Variants in CNTN6 observed in about 807,000 individuals in gnomAD.
CNTN6 encodes contactin 6, also known as contactin-6.
Under a neutral mutation model 122.8 loss-of-function variants are expected in CNTN6, and 137 were observed. The observed-to-expected ratio is 1.12, with a 90% CI of 0.97 to 1.29. The LOEUF (loss-of-function observed/expected upper bound fraction) is 1.29. CNTN6 is among the 50% of genes most tolerant of loss of function. The pLI, the probability that CNTN6 is intolerant of heterozygous loss-of-function variation, is 0.00. For synonymous variants in CNTN6, 570 were observed against 426.0 expected (o/e 1.34, Z -4.16); for missense variants, 1,634 against 1,223.4 (o/e 1.34, Z -5.01).
intron 7 of CNTN6, among the ~76,000 whole-genome samples, chr3:1,301,627 A>G (rs1305551973): frequency 6.6e-6 from 1 of 152,208 alleles, no homozygotes; most frequent in African/African-American, 2.4e-5. Context: ...TTATCTAACA[A>G]AATTAATCAA....
chr3:1,152,505 G>A (rs952919782), intron 2 of CNTN6, among the ~76,000 whole-genome samples: 5 of 152,156 alleles, frequency 3.3e-5, no homozygotes, highest in African/African-American at 7.2e-5. Flanking sequence ...GAAAAACCAC[G>A]TAGGGTCAAA....
chr3:1,286,069 T>C (rs774636549), intron 5 of CNTN6, among the ~76,000 whole-genome samples: 6 of 152,238 alleles, frequency 3.9e-5, no homozygotes, highest in Non-Finnish European at 5.9e-5. Context: ...TTTTCCTTGC[T>C]TTCCAGCACA....
intron 7 of CNTN6, among the ~76,000 whole-genome samples, chr3:1,310,963 T>C (rs2125923961): frequency 6.6e-6 from 1 of 152,156 alleles, no homozygotes; most frequent in Middle Eastern, 3.4e-3. Flanking sequence ...ATTGTGCCAT[T>C]GCAGTTCCCA....
chr3:1,384,812 C>CACACACATAT (rs1338541100), intron 19 of CNTN6, among the ~76,000 whole-genome samples: 1 of 118,500 alleles, frequency 8.4e-6, no homozygotes, highest in Admixed American at 8.5e-5. Flanking sequence ...CACACACACA[C>CACACACATAT]ATATATATAT....
intron 2 of CNTN6, among the ~76,000 whole-genome samples, chr3:1,217,663 G>A (rs888784019): frequency 4.6e-5 from 7 of 152,174 alleles, no homozygotes; most frequent in African/African-American, 1.4e-4. Context: ...AACAGTTTTA[G>A]TCCTTTAAAA....
At chr3:1,193,775 A>G (rs753779409) in intron 2 of CNTN6, among the ~76,000 whole-genome samples, 11 of 152,148 alleles carry the variant, frequency 7.2e-5, no homozygotes, top group Non-Finnish European at 1.3e-4. Context: ...TGTGAACATC[A>G]GATTTCAATC....
At chr3:1,289,167 C>G (rs1426944438) in intron 5 of CNTN6, among the ~76,000 whole-genome samples, 3 of 143,680 alleles carry the variant, frequency 2.1e-5, no homozygotes, top group African/African-American at 7.8e-5. Flanking sequence ...TTTAAACTTC[C>G]AGTTTGGAAG....
intron 9 of CNTN6, 84 bp downstream of exon 9, chr3:1,326,035 A>T: frequency 8.4e-7 from 1 of 1,193,574 alleles, no homozygotes; most frequent in Non-Finnish European, 1.2e-6. Context: ...TAACAGAAAC[A>T]GCTAATGTTA....
At position 1,122,290 on chromosome 3, in the gene CNTN6, G is replaced by T. The variant is rs374612855; in HGVS notation, c.-82-25637G>T. Among the ~76,000 whole-genome samples the T allele has an allele frequency of 7.0e-4, 103 of 148,070 alleles. 1 individual carries two copies. The highest frequency in any genetic ancestry group is 2.4e-3 in the African/African-American group (95 of 39,638). On this transcript the variant is annotated intron_variant, in intron 1 of 22. Coordinates refer to ENST00000446702, the MANE Select transcript of CNTN6 (RefSeq NM_001289080.2). Reference sequence around the variant, plus strand: ...AAGAAAGAGAGAGAGAGGAAAAGAGGAAGAGAGAAATAAATAAAGGAAAAA... The same window carrying T: ...AAGAAAGAGAGAGAGAGGAAAAGAGTAAGAGAGAAATAAATAAAGGAAAAA...
chr3:1,168,587 T>C (rs545231556), intron 2 of CNTN6, among the ~76,000 whole-genome samples: 39 of 151,148 alleles, frequency 2.6e-4, no homozygotes, highest in Non-Finnish European at 5.2e-4. Context: ...ATCTTGGGAG[T>C]GTTGAATGTT....
chr3:1,278,754 T>C (rs1014781788), intron 5 of CNTN6, among the ~76,000 whole-genome samples: 2 of 152,208 alleles, frequency 1.3e-5, no homozygotes, highest in African/African-American at 4.8e-5. Flanking sequence ...GTAGTGTGAG[T>C]GCCAGGGCTT....
At chr3:1,339,547 G>T (rs557689179) in intron 11 of CNTN6, among the ~76,000 whole-genome samples, 1 of 152,228 alleles carries the variant, frequency 6.6e-6, no homozygotes, top group African/African-American at 2.4e-5. Flanking sequence ...CACTAACTTG[G>T]CTTACAGGAG....
rs115075636 is a variant in CNTN6, at chr3:1,366,090, A to T, written c.1493-6209A>T. 4.8e-3 allele frequency among the ~76,000 whole-genome samples: 736 copies of T among 152,280 alleles called. 4 individuals are homozygous for T. The highest frequency in any genetic ancestry group is 0.016 in the African/African-American group (680 of 41,584). On this transcript the variant is annotated intron_variant, in intron 12 of 22. Coordinates refer to ENST00000446702, the MANE Select transcript of CNTN6 (RefSeq NM_001289080.2). ...CAAGGTCTAGACACACTGAATCAGTATTTCTGGTGCAATATGAGGAGCTCA... is the reference window on the plus strand; with the variant it reads ...CAAGGTCTAGACACACTGAATCAGTTTTTCTGGTGCAATATGAGGAGCTCA...
chr3:1,297,185 A>G (rs1055821498), intron 6 of CNTN6, among the ~76,000 whole-genome samples: 7 of 152,130 alleles, frequency 4.6e-5, no homozygotes, highest in South Asian at 2.1e-4. Flanking sequence ...TTTTTCTGCA[A>G]TTATATTGAC....
At chr3:1,245,241 C>CATATATATATATA (rs2094552727) in intron 4 of CNTN6, among the ~76,000 whole-genome samples, 1 of 11,472 alleles carries the variant, frequency 8.7e-5, no homozygotes, top group Non-Finnish European at 1.5e-4. Flanking sequence ...TATATACACA[C>CATATATATATATA]ACACATATAT....
At chr3:1,100,382 A>C (rs1490892966) in intron 1 of CNTN6, among the ~76,000 whole-genome samples, 1 of 152,152 alleles carries the variant, frequency 6.6e-6, no homozygotes, top group Non-Finnish European at 1.5e-5. Context: ...TTTATGATGT[A>C]ATTATCACAC....
At chr3:1,101,472 T>C (rs2090893540) in intron 1 of CNTN6, among the ~76,000 whole-genome samples, 2 of 152,236 alleles carry the variant, frequency 1.3e-5, no homozygotes, top group Admixed American at 6.5e-5. Flanking sequence ...TGTACTTCCC[T>C]ATACTTCCAT....
intron 2 of CNTN6, among the ~76,000 whole-genome samples, chr3:1,161,366 C>CT (rs1222840828): frequency 6.6e-6 from 1 of 150,764 alleles, no homozygotes; most frequent in East Asian, 1.9e-4. Flanking sequence ...GCAACTGAAG[C>CT]TTAGCTAGAG....
intron 17 of CNTN6, among the ~76,000 whole-genome samples, chr3:1,382,465 A>C (rs1161841044): frequency 6.6e-6 from 1 of 152,222 alleles, no homozygotes; most frequent in East Asian, 1.9e-4. Flanking sequence ...TTTTTTAAAG[A>C]AATATTCTGT....
Sources: allele counts gnomAD v4.1 joint callset (sites outside exome capture counted in the v4.1 genomes callset), GRCh38; gene constraint gnomAD v4.1.1; transcripts MANE v1.5; gene names NCBI Gene and HGNC (gene_info 2026-07-23, HGNC 2026-07-21).